ACSL6: variants seen among roughly 807,000 people sequenced by gnomAD.
ACSL6 encodes the protein long-chain-fatty-acid--CoA ligase 6.
A neutral mutation model predicts 98.2 loss-of-function variants in ACSL6; 47 were observed. The ratio of observed to expected loss-of-function variants is 0.48; its 90% CI spans 0.38 to 0.61. The LOEUF is 0.61. Among genes scored for constraint, ACSL6 ranks in the 20% least tolerant of loss-of-function variants. The pLI is 0.00. For synonymous variants in ACSL6, 362 were observed against 336.9 expected (o/e 1.07, Z -0.82); for missense variants, 761 against 913.4 (o/e 0.83, Z 2.15).
chr5:131,952,927 C>G lies in ACSL6; in HGVS notation c.*1307G>C, dbSNP rs1447517986. Reference sequence around the variant, plus strand: ...GGAAATAATGTCCCCTCCTTCCCACCTTCTGCCTTGATATTCTTACTGGAA... The same window carrying G: ...GGAAATAATGTCCCCTCCTTCCCACGTTCTGCCTTGATATTCTTACTGGAA... On this transcript the variant is annotated 3_prime_UTR_variant, in exon 21 of 21. Coordinates refer to ENST00000651883, the MANE Select transcript of ACSL6 (RefSeq NM_001009185.3). 4.7e-6 allele frequency: 1 copy of G among 214,338 alleles called. No homozygotes were observed. Among genetic ancestry groups the G allele is most frequent in the East Asian group, 7.0e-5 (1 of 14,282 alleles). The allele number at this position is 214,338 out of a possible 1,614,324, so 13.3% of individuals were successfully genotyped here.
intron 1 of ACSL6, chr5:132,001,728 T>C (rs1435163730): frequency 2.0e-5 from 3 of 152,330 alleles, no homozygotes; most frequent in African/African-American, 7.2e-5. Flanking sequence ...CCAAGCTCAC[T>C]GTGAGCATGC....
rs1477373907 is a variant in ACSL6 at position 131,962,649 on chromosome 5, T to C, written c.1743A>G (p.Lys581=). 2 of 1,613,998 alleles carry C rather than the reference T, an allele frequency of 1.2e-6. No homozygotes were observed. Among genetic ancestry groups the C allele is most frequent in the Non-Finnish European group, 1.7e-6 (2 of 1,179,988 alleles). ...PAGTLKIIDR[K]KHIFKLAQGE... ...CCTGAGCAAGTTTAAATATATGCTT[T>C]TTCCGATCAATAATTTTAAGAGTTC... The change falls in exon 18 of 21, where the codon AAA becomes AAG. Residue 581 remains lysine (K), a synonymous_variant. Coordinates refer to ENST00000651883, the MANE Select transcript of ACSL6 (RefSeq NM_001009185.3).
At chr5:131,968,156 T>G in intron 15 of ACSL6, 128 bp from the exon 16 acceptor site, 1 of 703,344 alleles carries the variant, frequency 1.4e-6, no homozygotes, top group Non-Finnish European at 2.4e-6. Context: ...AACACATCTT[T>G]AAAGGGGCAT....
chr5:131,976,890 G>A (rs1329144228), intron 9 of ACSL6, among the ~76,000 whole-genome samples, 169 bp from the exon 10 acceptor site: 5 of 152,156 alleles, frequency 3.3e-5, no homozygotes, highest in Non-Finnish European at 2.9e-5. Flanking sequence ...TTCAGGGACC[G>A]CTATCCTATA....
At chr5:131,998,676 C>T (rs1754912884) in intron 1 of ACSL6, among the ~76,000 whole-genome samples, 1 of 152,162 alleles carries the variant, frequency 6.6e-6, no homozygotes, top group Non-Finnish European at 1.5e-5. Flanking sequence ...TCCTCTCTAC[C>T]CCAACGGCCC....
intron 8 of ACSL6, 56 bp downstream of exon 8, chr5:131,986,766 G>T: frequency 6.2e-7 from 1 of 1,603,256 alleles, no homozygotes; most frequent in Non-Finnish European, 8.5e-7. Context: ...GACTCTGTGA[G>T]GACAGGCCCT....
chr5:131,988,636 G>A (rs1754330251), intron 6 of ACSL6, 169 bp downstream of exon 6: 2 of 1,612,914 alleles, frequency 1.2e-6, no homozygotes, highest in South Asian at 1.1e-5. Flanking sequence ...TCTGACCAGG[G>A]ACAGCTTGAC....
At position 131,988,168 on chromosome 5, in the gene ACSL6, A is replaced by G. The variant is rs573069054; in HGVS notation, c.711T>C (p.His237=). Residue 237 remains histidine (H), a synonymous_variant, in exon 7 of 21, where the codon CAT becomes CAC. Transcript: ENST00000651883. ...KPQKAVLLLE[H]VERKETPGLK... ...GGCCTGGAGTCTCCTTCCTCTCCAC[A>G]TGCTCTAGCAGAAGCACAGCCTTCT... The G allele has an allele frequency of 1.2e-6, 2 of 1,614,062 alleles. No homozygotes were observed. The highest frequency in any genetic ancestry group is 4.5e-5 in the East Asian group (2 of 44,872).
In ACSL6 at chr5:131,968,038, C is replaced by T. The variant is rs1233276066; in HGVS notation, c.1508-10G>A. The T allele has an allele frequency of 1.8e-5, 29 of 1,611,952 alleles. No individual in the cohort carries two copies. The highest frequency in any genetic ancestry group is 2.5e-5 in the Non-Finnish European group (29 of 1,178,586). ...GGCGCCCCTACGTGCCCTGGAACACCGGAGCAAGATGGCATTTGTTAGTGT... is the reference window on the plus strand; with the variant it reads ...GGCGCCCCTACGTGCCCTGGAACACTGGAGCAAGATGGCATTTGTTAGTGT... On this transcript the variant is annotated splice_polypyrimidine_tract_variant and intron_variant, in intron 15 of 20. Coordinates refer to ENST00000651883, the MANE Select transcript of ACSL6 (RefSeq NM_001009185.3).
At chr5:131,971,691 G>T in intron 13 of ACSL6, 46 bp from the exon 14 acceptor site, 1 of 1,519,110 alleles carries the variant, frequency 6.6e-7, no homozygotes, top group South Asian at 1.3e-5. Flanking sequence ...TGTCTGAGAT[G>T]GTGTCCAGTC....
chr5:131,966,809 A>G (rs546643222), intron 16 of ACSL6, among the ~76,000 whole-genome samples: 10 of 152,310 alleles, frequency 6.6e-5, no homozygotes, highest in African/African-American at 2.4e-4. Context: ...CCTTGGCCAC[A>G]TGCTGCTCTG....
At chr5:131,981,322 TA>T (rs56950797) in intron 9 of ACSL6, among the ~76,000 whole-genome samples, 3,241 of 95,276 alleles carry the variant, frequency 0.034, 113 homozygotes, top group African/African-American at 0.11. Flanking sequence ...AGTCAACTAT[TA>T]AAAAAAAAAA....
At position 131,985,478 on chromosome 5, in the gene ACSL6, A is replaced by G; in HGVS notation, c.865-20T>C. ...CGGGGGCTGCAGGGGTGAGAAGAGG[A>G]GTGTGTTAGGGAGACCCAGTGTGGC... On this transcript the variant is annotated intron_variant, in intron 8 of 20. Transcript: ENST00000651883. The G allele has an allele frequency of 6.2e-7, 1 of 1,613,284 alleles. No homozygotes were observed. Among genetic ancestry groups the G allele is most frequent in the Non-Finnish European group, 8.5e-7 (1 of 1,179,838 alleles).
At chr5:131,993,647 G>A (rs750457401) in intron 2 of ACSL6, 70 of 268,426 alleles carry the variant, frequency 2.6e-4, no homozygotes, top group Non-Finnish European at 4.2e-4. Flanking sequence ...AGCAGGGCCA[G>A]GAGTGGGCTG....
At chr5:131,978,543 C>A (rs138217374) in intron 9 of ACSL6, among the ~76,000 whole-genome samples, 1 of 152,254 alleles carries the variant, frequency 6.6e-6, no homozygotes, top group African/African-American at 2.4e-5. Context: ...CTGCAGCCAG[C>A]CCTCGCTCGG....
chr5:131,994,113 G>GTGAAC lies in ACSL6; in HGVS notation c.187_188insGTTCA (p.Ala63GlyfsTer23). On this transcript the variant is annotated frameshift_variant, in exon 2 of 21. Coordinates refer to ENST00000651883, the MANE Select transcript of ACSL6 (RefSeq NM_001009185.3). LOFTEE classifies it high-confidence loss of function. ...GTGAGTGAACCAGTAGGCAAGGATG[G>GTGAAC]CAGCCAGGGCACCCATACTCACGAG... 6.2e-7 allele frequency: 1 copy of GTGAAC among 1,614,218 alleles called. No individual in the cohort carries two copies. Among genetic ancestry groups the GTGAAC allele is most frequent in the Non-Finnish European group, 8.5e-7 (1 of 1,180,052 alleles).
intron 9 of ACSL6, chr5:131,983,137 G>C (rs1045184306): frequency 6.6e-6 from 1 of 152,224 alleles, no homozygotes; most frequent in Non-Finnish European, 1.5e-5. Context: ...TATCATTCAA[G>C]AGACCCAATT....
chr5:131,960,691 T>A, intron 18 of ACSL6, 70 bp from the exon 19 acceptor site: 2 of 1,255,716 alleles, frequency 1.6e-6, no homozygotes, highest in Non-Finnish European at 2.2e-6. Context: ...TGGTCCAGCA[T>A]TAAAATTCTC....
At chr5:131,986,208 C>G (rs1242788127) in intron 8 of ACSL6, among the ~76,000 whole-genome samples, 1 of 152,192 alleles carries the variant, frequency 6.6e-6, no homozygotes, top group Non-Finnish European at 1.5e-5. Context: ...TGGGCAAACA[C>G]CAGGAGCTAC....
Sources: gnomAD v4.1 joint callset for allele counts (sites outside exome capture counted in the v4.1 genomes callset) on GRCh38, gnomAD v4.1.1 for gene constraint, MANE v1.5 for transcripts, NCBI Gene and HGNC (gene_info 2026-07-23, HGNC 2026-07-21) for gene names.